ZNF610: variants seen among roughly 807,000 people sequenced by gnomAD.
ZNF610 encodes zinc finger protein 610.
In ZNF610, 14 loss-of-function variants were observed where a neutral mutation model predicts 14.1. The observed-to-expected ratio is 0.99, with a 90% CI of 0.65 to 1.55. The LOEUF (loss-of-function observed/expected upper bound fraction) is 1.55, where lower values mean the gene tolerates loss of function less well. Ranked by LOEUF, ZNF610 falls within the 40% of genes most tolerant of loss-of-function variation. ZNF610 has a pLI of 0.00. For synonymous variants in ZNF610, 185 were observed against 187.6 expected (o/e 0.99, Z 0.11); for missense variants, 530 against 558.0 (o/e 0.95, Z 0.51).
chr19:52,347,657 C>T (rs943906371), intron 1 of ZNF610, 50 bp from the exon 2 acceptor site: 56 of 152,268 alleles, frequency 3.7e-4, no homozygotes, highest in African/African-American at 1.3e-3. Flanking sequence ...GCTGGGACTA[C>T]AGATGTGTTC....
Position 52,366,680 on chromosome 19 carries a change from C to T in ZNF610, c.1302C>T (p.Gly434=), listed in dbSNP as rs951048486. The part of the protein sequence containing the change: ...GERPYKCNAC[G]KVFNQNPHLS... Reference sequence around the variant, plus strand: ...GACCTTACAAGTGTAATGCATGTGGCAAGGTCTTCAATCAAAATCCACACC... The same window carrying T: ...GACCTTACAAGTGTAATGCATGTGGTAAGGTCTTCAATCAAAATCCACACC... The change falls in exon 6 of 6, where the codon GGC becomes GGT. Residue 434 remains glycine (G), a synonymous_variant. Coordinates refer to ENST00000403906, the MANE Select transcript of ZNF610 (RefSeq NM_001161425.2). The T allele has an allele frequency of 3.1e-6, 5 of 1,614,110 alleles. No individual in the cohort carries two copies. The Admixed American group carries it at 5.0e-5, about 16-fold the overall frequency.
upstream of ZNF610, among the ~76,000 whole-genome samples, chr19:52,335,652 C>T (rs1399606548): frequency 6.6e-6 from 1 of 152,030 alleles, no homozygotes; most frequent in Non-Finnish European, 1.5e-5. Context: ...GCTTAACCTC[C>T]CAGCCTACAT....
intron 1 of ZNF610, among the ~76,000 whole-genome samples, chr19:52,342,371 A>G (rs1984726098): frequency 6.6e-6 from 1 of 152,114 alleles, no homozygotes; most frequent in Admixed American, 6.6e-5. Context: ...TGGAATTACA[A>G]GGATGAGCCC....
Position 52,349,037 on chromosome 19 carries a change from A to G in ZNF610, c.-19-117A>G, listed in dbSNP as rs192092808. ...CTTGTCCCTGCATCAACTCTGGTGC[A>G]GTGGGCAACAGAGGACATCTTTCCG... On this transcript the variant is annotated intron_variant, in intron 2 of 5. Transcript: ENST00000403906. 9 of 669,254 alleles carry G rather than the reference A, an allele frequency of 1.3e-5. No individual in the cohort carries two copies. The Admixed American group carries it at 2.2e-4, about 17-fold the overall frequency. 41.5% of individuals were successfully genotyped at this position (669,254 alleles called of 1,614,324 possible).
intron 1 of ZNF610, chr19:52,347,120 T>A (rs895055444): frequency 2.0e-5 from 3 of 152,202 alleles, no homozygotes; most frequent in Admixed American, 6.5e-5. Context: ...TCAAGAGGTA[T>A]CCAGAAGAAG....
Position 52,347,339 on chromosome 19 carries a change from A to G in ZNF610, c.-257-368A>G, listed in dbSNP as rs1985008512. 6 of 152,236 alleles carry G rather than the reference A, an allele frequency of 3.9e-5. No individual in the cohort carries two copies. The South Asian group carries it at 1.2e-3, about 31-fold the overall frequency. 9.4% of individuals were successfully genotyped at this position (152,236 alleles called of 1,614,324 possible). A position where few individuals can be genotyped will look rare whatever the true frequency, so the allele number is the denominator to read the frequency against. On this transcript the variant is annotated intron_variant, in intron 1 of 5. Coordinates refer to ENST00000403906, the MANE Select transcript of ZNF610 (RefSeq NM_001161425.2). ...ATGGGAAAAAGCTTATAGAATAAAG[A>G]CATGAAGACAAAATATTTTTGTACA...
At chr19:52,354,196 G>GGTTT in intron 4 of ZNF610, 55 bp from the exon 5 acceptor site, 1 of 1,603,818 alleles carries the variant, frequency 6.2e-7, no homozygotes, top group Non-Finnish European at 8.5e-7. Context: ...CTAAACACAG[G>GGTTT]GTTTGGGTTT....
rs1237785331 is a variant in ZNF610 at position 52,336,489 on chromosome 19, C to T, written c.-275C>T. 2.4e-5 allele frequency: 4 copies of T among 163,814 alleles called. No homozygotes were observed. Among genetic ancestry groups the T allele is most frequent in the East Asian group, 1.9e-4 (1 of 5,266 alleles). The allele number at this position is 163,814 out of a possible 1,614,324, so 10.1% of individuals were successfully genotyped here. On this transcript the variant is annotated 5_prime_UTR_variant, in exon 1 of 6. Coordinates refer to ENST00000403906, the MANE Select transcript of ZNF610 (RefSeq NM_001161425.2). ...CTCGGCGACGGGTCCTGTCCCCGCT[C>T]GTTCTGCCTTGGGCCAGGTAAACAC... is the stretch of plus-strand genomic sequence containing the variant.
intron 1 of ZNF610, among the ~76,000 whole-genome samples, chr19:52,338,503 G>A (rs1294547830): frequency 6.6e-6 from 1 of 152,104 alleles, no homozygotes; most frequent in East Asian, 1.9e-4. Flanking sequence ...TGGCCAACAA[G>A]GTGAAACCCC....
At chr19:52,358,345 A>G (rs568415308) in intron 5 of ZNF610, among the ~76,000 whole-genome samples, 1 of 152,222 alleles carries the variant, frequency 6.6e-6, no homozygotes, top group African/African-American at 2.4e-5. Flanking sequence ...CACCATGCCC[A>G]GCTAATTTTT....
At chr19:52,354,419 A>AT (rs760399092) in intron 5 of ZNF610, 40 bp downstream of exon 5, 9 of 1,592,072 alleles carry the variant, frequency 5.7e-6, no homozygotes, top group African/African-American at 4.1e-5. Flanking sequence ...CATAGTTTTT[A>AT]TTTTTTTATT....
rs958950679 is a variant in ZNF610 at position 52,340,484 on chromosome 19, A to G, written c.-258+3978A>G. 3.3e-5 allele frequency among the ~76,000 whole-genome samples: 5 copies of G among 152,074 alleles called. 1 individual carries two copies. Among genetic ancestry groups the G allele is most frequent in the Non-Finnish European group, 7.4e-5 (5 of 68,016 alleles). On this transcript the variant is annotated intron_variant, in intron 1 of 5. Transcript: ENST00000403906. ...ATCTTTTTTCCTTACCTCAAACAGTAAAGGGAAGAGACTTGGCCCACCAGT... is the reference window on the plus strand; with the variant it reads ...ATCTTTTTTCCTTACCTCAAACAGTGAAGGGAAGAGACTTGGCCCACCAGT...
At position 52,349,466 on chromosome 19, in the gene ZNF610, G is replaced by A. The variant is rs2303684; in HGVS notation, c.63+231G>A. On this transcript the variant is annotated intron_variant, in intron 3 of 5. Coordinates refer to ENST00000403906, the MANE Select transcript of ZNF610 (RefSeq NM_001161425.2). ...TGGATGGAGACGGGGTGAGGGTCCC[G>A]TGGTGTCAGTGGTGTTGGGCAGCAG... Among the ~76,000 whole-genome samples, 61 of 152,142 alleles carry A rather than the reference G, an allele frequency of 4.0e-4. 1 individual carries two copies. In the East Asian group the frequency reaches 0.011, roughly 28 times the overall value.
Position 52,366,821 on chromosome 19 carries a change from A to C in ZNF610, c.*54A>C, listed in dbSNP as rs1986121627. ...CACCTAGCACAACATTGGAGGACTC[A>C]GGAGAAAAACCTTACAAATATCATA... On this transcript the variant is annotated 3_prime_UTR_variant, in exon 6 of 6. Coordinates refer to ENST00000403906, the MANE Select transcript of ZNF610 (RefSeq NM_001161425.2). 4.3e-6 allele frequency: 6 copies of C among 1,408,446 alleles called. No individual in the cohort carries two copies. The highest frequency in any genetic ancestry group is 5.9e-6 in the Non-Finnish European group (6 of 1,025,500). The allele number at this position is 1,408,446 out of a possible 1,614,324, so 87.2% of individuals were successfully genotyped here.
chr19:52,349,055 T>C, intron 2 of ZNF610, 99 bp from the exon 3 acceptor site: 1 of 795,918 alleles, frequency 1.3e-6, no homozygotes, highest in Non-Finnish European at 2.1e-6. Context: ...ACAGAGGACA[T>C]CTTTCCGCAG....
In ZNF610 at chr19:52,354,101, T is replaced by C. The variant is rs1292600983; in HGVS notation, c.191-150T>C. 11 of 1,098,326 alleles carry C rather than the reference T, an allele frequency of 1.0e-5. No individual in the cohort carries two copies. The South Asian group carries it at 1.8e-4, about 17-fold the overall frequency. 68.0% of individuals were successfully genotyped at this position (1,098,326 alleles called of 1,614,324 possible). A position where few individuals can be genotyped will look rare whatever the true frequency, so the allele number is the denominator to read the frequency against. ...GATCTCAGTGTCTACATATTGCATA[T>C]TCCCTAAGCATTCAGAAGGAGCCAG... On this transcript the variant is annotated intron_variant, in intron 4 of 5. Transcript: ENST00000403906.
At chr19:52,344,438 A>G (rs2122192330) in intron 1 of ZNF610, among the ~76,000 whole-genome samples, 1 of 152,206 alleles carries the variant, frequency 6.6e-6, no homozygotes, top group African/African-American at 2.4e-5. Flanking sequence ...TCCTGGTGAC[A>G]GCAAGGACCC....
At chr19:52,360,047 A>G (rs1033484969) in intron 5 of ZNF610, among the ~76,000 whole-genome samples, 4 of 152,226 alleles carry the variant, frequency 2.6e-5, no homozygotes, top group African/African-American at 9.6e-5. Flanking sequence ...TGCGACCAGC[A>G]TCCAGGAAGC....
intron 5 of ZNF610, among the ~76,000 whole-genome samples, chr19:52,365,465 C>G (rs1985973221): frequency 6.6e-6 from 1 of 152,162 alleles, no homozygotes; most frequent in South Asian, 2.1e-4. Flanking sequence ...TTCTATTTTT[C>G]TGCCCTTAAT....
Sources: gnomAD v4.1 joint callset for allele counts (sites outside exome capture counted in the v4.1 genomes callset) on GRCh38, gnomAD v4.1.1 for gene constraint, MANE v1.5 for transcripts, NCBI Gene and HGNC (gene_info 2026-07-23, HGNC 2026-07-21) for gene names.